The following KIAA2012 variants were observed in gnomAD, a reference collection of about 807,000 sequenced individuals.
The protein encoded by KIAA2012 is uncharacterized protein KIAA2012.
Under a neutral mutation model 150.6 loss-of-function variants are expected in KIAA2012, and 125 were observed. The ratio of observed to expected loss-of-function variants is 0.83; its 90% confidence interval spans 0.72 to 0.96. The LOEUF is 0.96. Ranked by LOEUF, KIAA2012 falls within the 40% of genes least tolerant of loss-of-function variation. The pLI is 0.00. For missense variants in KIAA2012, 1,219 were observed against 1,354.9 expected (o/e 0.90, Z 1.57); for synonymous variants, 462 against 504.7 (o/e 0.92, Z 1.13).
At chr2:202,102,518 G>A (rs145110641) in intron 7 of KIAA2012, among the ~76,000 whole-genome samples, 8 of 152,296 alleles carry the variant, frequency 5.3e-5, no homozygotes, top group African/African-American at 1.7e-4. Context: ...AATCACAAAT[G>A]CTATTTCCTG....
rs1222769478 is a variant in KIAA2012 at position 202,100,532 on chromosome 2, G to T, written c.1155+83G>T. On this transcript the variant is annotated intron_variant, in intron 7 of 23. Transcript: ENST00000498697. Reference sequence around the variant, plus strand: ...AAGTTTAATCCTAATCTAGAAATAAGGTGACTCGAAAGGATGTCTCAAAAG... The same window carrying T: ...AAGTTTAATCCTAATCTAGAAATAATGTGACTCGAAAGGATGTCTCAAAAG... The T allele has an allele frequency of 8.4e-6, 12 of 1,425,214 alleles. No individual in the cohort carries two copies. In the East Asian group the frequency reaches 2.8e-4, roughly 33 times the overall value. The allele number at this position is 1,425,214 out of a possible 1,614,324, so 88.3% of individuals were successfully genotyped here. A position where few individuals can be genotyped will look rare whatever the true frequency, so the allele number is the denominator to read the frequency against.
intron 9 of KIAA2012, among the ~76,000 whole-genome samples, chr2:202,106,913 A>T (rs973448431): frequency 2.0e-5 from 3 of 152,188 alleles, no homozygotes; most frequent in African/African-American, 7.2e-5. Flanking sequence ...AGTATCACAG[A>T]TGTCAAGTGA....
chr2:202,154,804 C>A lies in KIAA2012; in HGVS notation c.2040C>A (p.Phe680Leu). The change falls in exon 14 of 24, where the codon TTC (phenylalanine) becomes TTA (leucine). Residue 680 changes from phenylalanine (F) to leucine (L), a missense_variant. Transcript: ENST00000498697. ...AGCTGCACATCGACATGACGCCGTT[C>A]CTGAAGGTGATCTCACACTGAGAAG... is the stretch of plus-strand genomic sequence containing the variant. Reference protein sequence around the residue: ...TRKLHIDMTPFLKESGNALDY... With the variant: ...TRKLHIDMTPLLKESGNALDY... 1 of 1,545,350 alleles carries A rather than the reference C, an allele frequency of 6.5e-7. No individual in the cohort carries two copies. Among genetic ancestry groups the A allele is most frequent in the Non-Finnish European group, 8.7e-7 (1 of 1,145,722 alleles).
Position 202,133,130 on chromosome 2 carries a change from A to ATATATAT in KIAA2012, c.1832-5301_1832-5300insATATATT, listed in dbSNP as rs1279080237. On this transcript the variant is annotated intron_variant, in intron 12 of 23. Transcript: ENST00000498697. ...AAAAAATATATATATATATATATAT[A>ATATATAT]TTTTTTTTTTTTCTGGAGAATGGAG... 1.6e-4 allele frequency among the ~76,000 whole-genome samples: 11 copies of ATATATAT among 67,792 alleles called. 1 individual carries two copies. The highest frequency in any genetic ancestry group is 5.8e-4 in the African/African-American group (10 of 17,214). The allele number at this position is 67,792 out of a possible 152,430, so 44.5% of individuals were successfully genotyped here.
chr2:202,091,272 A>G (rs1054914925), intron 3 of KIAA2012, among the ~76,000 whole-genome samples: 1 of 152,240 alleles, frequency 6.6e-6, no homozygotes, highest in African/African-American at 2.4e-5. Context: ...ATAAGGAAGA[A>G]GAAGCCCAGA....
At chr2:202,190,152 AT>A in intron 18 of KIAA2012, 21 bp from the exon 19 acceptor site, 1 of 1,495,286 alleles carries the variant, frequency 6.7e-7, no homozygotes, top group Non-Finnish European at 8.9e-7. Context: ...CTATATCTCT[AT>A]CCCCAATTGT....
At chr2:202,106,045 G>T in intron 9 of KIAA2012, 135 bp downstream of exon 9, 1 of 1,536,802 alleles carries the variant, frequency 6.5e-7, no homozygotes. Context: ...CTGGAAGATG[G>T]CCTTTGTGCA....
intron 11 of KIAA2012, among the ~76,000 whole-genome samples, chr2:202,123,653 A>C (rs1440295487): frequency 6.6e-6 from 1 of 152,160 alleles, no homozygotes; most frequent in Non-Finnish European, 1.5e-5. Context: ...CATCCTCTCT[A>C]GTCTATTTGT....
chr2:202,074,904 G>A lies in KIAA2012; in HGVS notation c.98G>A (p.Trp33Ter). 3 of 1,546,954 alleles carry A rather than the reference G, an allele frequency of 1.9e-6. No individual in the cohort carries two copies. Among genetic ancestry groups the A allele is most frequent in the Non-Finnish European group, 2.6e-6 (3 of 1,145,886 alleles). The change falls in exon 2 of 24, where the codon TGG becomes TAG. Residue 33 changes from tryptophan (W) to a stop codon, truncating the protein, a stop_gained. Transcript: ENST00000498697. LOFTEE classifies it high-confidence loss of function. The stretch of plus-strand genomic sequence containing the variant: ...TTCTCATTGCAGGATTACTTGAACT[G>A]GAGGTCCCCAGAAGACTATGTTCCT... ...VYFEPEDYLNWRSPEDYVPVS... is the reference protein window; with the variant it reads ...VYFEPEDYLN
At chr2:202,169,692 A>G (rs1445188863) in intron 15 of KIAA2012, among the ~76,000 whole-genome samples, 1 of 152,210 alleles carries the variant, frequency 6.6e-6, no homozygotes, top group Non-Finnish European at 1.5e-5. Context: ...ATTAGAAAAG[A>G]GAATCTGGGG....
Position 202,154,741 on chromosome 2 carries a change from G to T in KIAA2012, c.1977G>T (p.Ala659=), listed in dbSNP as rs1349909869. ...AGCCTCAAAGTTGTATAAATAAAGC[G>T]CTGATATGTTCAAACAGAAAAGAAT... ...TGEPQSCINK[A]LICSNRKEFY... is the part of the protein sequence containing the mutation. The change falls in exon 14 of 24, where the codon GCG becomes GCT. Residue 659 remains alanine, a synonymous_variant. Transcript: ENST00000498697. 3.2e-6 allele frequency: 5 copies of T among 1,550,332 alleles called. No homozygotes were observed. Among genetic ancestry groups the T allele is most frequent in the South Asian group, 1.2e-5 (1 of 84,002 alleles).
intron 15 of KIAA2012, among the ~76,000 whole-genome samples, chr2:202,169,535 C>G (rs962049700): frequency 6.6e-6 from 1 of 152,172 alleles, no homozygotes; most frequent in African/African-American, 2.4e-5. Flanking sequence ...CAGTGAGTGT[C>G]CCAGCAGCCA....
chr2:202,112,180 C>T (rs950367451), intron 10 of KIAA2012, among the ~76,000 whole-genome samples: 1 of 152,014 alleles, frequency 6.6e-6, no homozygotes, highest in African/African-American at 2.4e-5. Context: ...AAGGACCAAG[C>T]GATAAGAGGA....
At position 202,105,786 on chromosome 2, in the gene KIAA2012, A is replaced by G; in HGVS notation, c.1350A>G (p.Pro450=). ...RRGAPHPESE[P]ESSEESTPVW... ...GTGCTCCACACCCTGAGTCAGAACC[A>G]GAAAGCAGCGAAGAATCCACACCTG... Residue 450 remains proline (P), a synonymous_variant, in exon 9 of 24, where the codon CCA becomes CCG. Transcript: ENST00000498697. 6.4e-7 allele frequency: 1 copy of G among 1,550,644 alleles called. No homozygotes were observed. Among genetic ancestry groups the G allele is most frequent in the Non-Finnish European group, 8.7e-7 (1 of 1,146,992 alleles).
At position 202,196,836 on chromosome 2, in the gene KIAA2012, A is replaced by G; in HGVS notation, c.3224A>G (p.Gln1075Arg). Reference protein sequence around the residue: ...EKQRQEELEMQLEEEQKHLME... With the variant: ...EKQRQEELEMRLEEEQKHLME... ...CAAAGGCAAGAGGAATTGGAAATGC[A>G]GTTAGAAGAAGAACAAAAACACCTG... Residue 1075 changes from glutamine (Q) to arginine (R), a missense_variant, in exon 22 of 24, where the codon CAG (glutamine) becomes CGG (arginine). Gln to Arg is a conservative substitution (Grantham distance 43). Transcript: ENST00000498697. 2 of 1,550,610 alleles carry G rather than the reference A, an allele frequency of 1.3e-6. No homozygotes were observed. Among genetic ancestry groups the G allele is most frequent in the Non-Finnish European group, 1.7e-6 (2 of 1,146,986 alleles).
intron 12 of KIAA2012, among the ~76,000 whole-genome samples, chr2:202,134,305 C>T (rs367580552): frequency 6.6e-6 from 1 of 152,210 alleles, no homozygotes; most frequent in African/African-American, 2.4e-5. Flanking sequence ...AAAGAAGCTC[C>T]TGCCAGCACC....
intron 12 of KIAA2012, 34 bp from the exon 13 acceptor site, chr2:202,138,398 C>T: frequency 6.6e-7 from 1 of 1,504,904 alleles, no homozygotes; most frequent in Non-Finnish European, 9.0e-7. Context: ...ATCTGACCAC[C>T]TTGATCTTTT....
chr2:202,182,108 C>CTTTTTTTTTTTTTTTTTT (rs754494077), intron 15 of KIAA2012, among the ~76,000 whole-genome samples: 9 of 104,118 alleles, frequency 8.6e-5, no homozygotes, highest in Non-Finnish European at 1.2e-4. Context: ...TTTCTTTATT[C>CTTTTTTTTTTTTTTTTTT]TTTTTTTTTT....
chr2:202,189,361 G>A (rs969898093), intron 18 of KIAA2012, among the ~76,000 whole-genome samples: 5 of 150,882 alleles, frequency 3.3e-5, no homozygotes, highest in Non-Finnish European at 7.4e-5. Flanking sequence ...GCATGATCTC[G>A]GCTCACTGCA....
Sources: allele counts gnomAD v4.1 joint callset (sites outside exome capture counted in the v4.1 genomes callset), GRCh38; gene constraint gnomAD v4.1.1; transcripts MANE v1.5; gene names NCBI Gene and HGNC (gene_info 2026-07-23, HGNC 2026-07-21).